MACROD2: variants seen among roughly 807,000 people sequenced by gnomAD.
The protein encoded by MACROD2 is mono-ADP ribosylhydrolase 2.
A neutral mutation model predicts 70.4 loss-of-function variants in MACROD2; 36 were observed. That is an observed-to-expected ratio of 0.51 (90% CI 0.39 to 0.68). The LOEUF is 0.68. Among genes scored for constraint, MACROD2 ranks in the 30% least tolerant of loss-of-function variants. MACROD2 has a pLI of 0.00. For missense variants in MACROD2, 496 were observed against 538.4 expected, an observed-to-expected ratio of 0.92 and a Z score of 0.78; for synonymous variants, 172 against 178.8, an observed-to-expected ratio of 0.96 and a Z score of 0.30.
intron 4 of MACROD2, among the ~76,000 whole-genome samples, chr20:14,575,215 A>G (rs1401349890): frequency 6.6e-6 from 1 of 152,064 alleles, no homozygotes; most frequent in East Asian, 1.9e-4. Context: ...AACCCATTAT[A>G]TTAGTATAAA....
rs192179125 is a variant in MACROD2 at position 15,010,219 on chromosome 20, A to G, written c.419-219721A>G. Among the ~76,000 whole-genome samples, 736 of 152,296 alleles carry G rather than the reference A, an allele frequency of 4.8e-3. 11 individuals carry two copies. The highest frequency in any genetic ancestry group is 7.8e-3 in the Non-Finnish European group (531 of 68,032). ...TAAATAGCATTACCCTATCTTCCCT[A>G]CCTTATGCAGAACCTCATTTTAGAA... On this transcript the variant is annotated intron_variant, in intron 5 of 17. Transcript: ENST00000684519.
chr20:14,244,864 A>G (rs1353287741), intron 3 of MACROD2, among the ~76,000 whole-genome samples: 1 of 152,188 alleles, frequency 6.6e-6, no homozygotes, highest in Non-Finnish European at 1.5e-5. Context: ...TCTGGTTACT[A>G]GCCGTAAGTG....
intron 2 of MACROD2, among the ~76,000 whole-genome samples, chr20:14,017,671 G>A (rs1432633000): frequency 1.3e-5 from 2 of 152,104 alleles, no homozygotes; most frequent in African/African-American, 2.4e-5. Context: ...TGGTCACGTT[G>A]TGTATTCCTT....
intron 8 of MACROD2, among the ~76,000 whole-genome samples, chr20:15,850,061 A>G (rs542523754): frequency 6.6e-6 from 1 of 152,284 alleles, no homozygotes; most frequent in African/African-American, 2.4e-5. Context: ...CTGAATGTTG[A>G]GAGATGAAGT....
At chr20:15,801,185 T>TAA (rs1568569034) in intron 8 of MACROD2, among the ~76,000 whole-genome samples, 3 of 89,640 alleles carry the variant, frequency 3.3e-5, no homozygotes, top group Non-Finnish European at 7.3e-5. Flanking sequence ...GAATGATCAA[T>TAA]TAAAAAAAAA....
chr20:15,765,439 G>A (rs1302467501), intron 8 of MACROD2, among the ~76,000 whole-genome samples: 1 of 152,106 alleles, frequency 6.6e-6, no homozygotes, highest in Non-Finnish European at 1.5e-5. Flanking sequence ...CCAATAAAGT[G>A]TGATCTAATT....
chr20:15,420,952 G>C (rs770893931), intron 6 of MACROD2, among the ~76,000 whole-genome samples: 2 of 152,250 alleles, frequency 1.3e-5, no homozygotes, highest in South Asian at 4.1e-4. Flanking sequence ...ACCAGGCATA[G>C]TGGTGCGTGC....
At chr20:15,679,144 G>A (rs1183719408) in intron 8 of MACROD2, among the ~76,000 whole-genome samples, 1 of 151,770 alleles carries the variant, frequency 6.6e-6, no homozygotes, top group Non-Finnish European at 1.5e-5. Flanking sequence ...GGCTAAGGCA[G>A]GAGAATCGCT....
At chr20:15,171,781 T>G (rs2076424446) in intron 5 of MACROD2, among the ~76,000 whole-genome samples, 1 of 152,218 alleles carries the variant, frequency 6.6e-6, no homozygotes, top group Non-Finnish European at 1.5e-5. Context: ...TCTGAAATCC[T>G]TCCTGACATT....
intron 8 of MACROD2, among the ~76,000 whole-genome samples, chr20:15,644,075 C>T (rs1461290612): frequency 3.1e-4 from 47 of 152,152 alleles, no homozygotes; most frequent in Non-Finnish European, 5.9e-5. Context: ...GAAAACATAA[C>T]TCAGGGCAGG....
chr20:16,014,591 A>G (rs1346722885), intron 15 of MACROD2, among the ~76,000 whole-genome samples: 1 of 152,198 alleles, frequency 6.6e-6, no homozygotes, highest in Non-Finnish European at 1.5e-5. Flanking sequence ...TCTGATCACC[A>G]TCTGGGTTCA....
At chr20:15,070,721 G>T (rs751997103) in intron 5 of MACROD2, among the ~76,000 whole-genome samples, 1 of 152,102 alleles carries the variant, frequency 6.6e-6, no homozygotes, top group Non-Finnish European at 1.5e-5. Flanking sequence ...ACCAGAAGCT[G>T]AATGGATCGT....
intron 3 of MACROD2, among the ~76,000 whole-genome samples, chr20:14,272,659 G>GTAAATGGAC (rs2082207275): frequency 6.6e-6 from 1 of 150,780 alleles, no homozygotes; most frequent in African/African-American, 2.4e-5. Flanking sequence ...AACTTTAAAT[G>GTAAATGGAC]TAAATGGACT....
intron 5 of MACROD2, among the ~76,000 whole-genome samples, chr20:14,768,964 G>A (rs571793782): frequency 6.6e-6 from 1 of 152,214 alleles, no homozygotes; most frequent in East Asian, 1.9e-4. Context: ...ATAAAGGAAT[G>A]TTTGAGTTTG....
At chr20:15,133,243 G>T (rs1477361403) in intron 5 of MACROD2, among the ~76,000 whole-genome samples, 1 of 152,042 alleles carries the variant, frequency 6.6e-6, no homozygotes, top group African/African-American at 2.4e-5. Context: ...GGAGAAAACA[G>T]TATGAGAAAG....
intron 3 of MACROD2, among the ~76,000 whole-genome samples, chr20:14,093,417 CA>C (rs1161833675): frequency 1.3e-5 from 2 of 151,928 alleles, no homozygotes; most frequent in African/African-American, 4.8e-5. Flanking sequence ...AAATAAAGTA[CA>C]ACTGTCTGTA....
chr20:15,278,749 C>T (rs1481778406), intron 6 of MACROD2, among the ~76,000 whole-genome samples: 3 of 152,118 alleles, frequency 2.0e-5, no homozygotes, highest in Non-Finnish European at 4.4e-5. Flanking sequence ...TCCTTTCTGC[C>T]TTCAATAGCA....
At chr20:14,071,263 T>G (rs1046683120) in intron 2 of MACROD2, among the ~76,000 whole-genome samples, 17 of 127,636 alleles carry the variant, frequency 1.3e-4, no homozygotes, top group African/African-American at 4.2e-4. Flanking sequence ...TTTTTTTTTT[T>G]TTTTTTTTTT....
At chr20:15,915,124 A>G (rs1199997754) in intron 10 of MACROD2, among the ~76,000 whole-genome samples, 2 of 152,052 alleles carry the variant, frequency 1.3e-5, no homozygotes. Flanking sequence ...TTTTCTATGG[A>G]GGTTCCGTGA....
Sources: allele counts gnomAD v4.1 joint callset (sites outside exome capture counted in the v4.1 genomes callset), GRCh38; gene constraint gnomAD v4.1.1; transcripts MANE v1.5; gene names NCBI Gene and HGNC (gene_info 2026-07-23, HGNC 2026-07-21).